MEGF8: variants seen among roughly 807,000 people sequenced by gnomAD.
MEGF8 encodes the protein multiple EGF like domains 8, also known as multiple epidermal growth factor-like domains protein 8.
A neutral mutation model predicts 302.9 loss-of-function variants in MEGF8; 156 were observed. The ratio of observed to expected loss-of-function variants is 0.52; its 90% CI spans 0.45 to 0.59. The LOEUF (loss-of-function observed/expected upper bound fraction) is 0.59, where lower values mean the gene tolerates loss of function less well. Among genes scored for constraint, MEGF8 ranks in the 20% least tolerant of loss-of-function variants. MEGF8 has a pLI of 0.00. For missense variants in MEGF8, 3,345 were observed against 3,964.5 expected, an observed-to-expected ratio of 0.84 and a Z score of 4.20; for synonymous variants, 1,621 against 1,660.5, an observed-to-expected ratio of 0.98 and a Z score of 0.58.
Position 42,335,286 on chromosome 19 carries a change from C to T in MEGF8, c.740-11C>T, listed in dbSNP as rs1288422965. ...TATGGCCAGGGCATGAGACTATCCA[C>T]CCCTCCACAGGCCAGGACCTCAACA... On this transcript the variant is annotated splice_polypyrimidine_tract_variant and intron_variant, in intron 4 of 41. Coordinates refer to ENST00000251268, the MANE Select transcript of MEGF8 (RefSeq NM_001271938.2). 6.2e-7 allele frequency: 1 copy of T among 1,614,036 alleles called. No homozygotes were observed. Among genetic ancestry groups the T allele is most frequent in the Admixed American group, 1.7e-5 (1 of 60,030 alleles).
intron 12 of MEGF8, among the ~76,000 whole-genome samples, chr19:42,346,265 T>A (rs1269117839): frequency 1.3e-5 from 2 of 152,142 alleles, no homozygotes; most frequent in African/African-American, 4.8e-5. Context: ...ACATCAAAAG[T>A]CATTGGGGCT....
Position 42,375,871 on chromosome 19 carries a change from G to T in MEGF8, c.7634G>T (p.Gly2545Val). The T allele has an allele frequency of 6.2e-7, 1 of 1,606,882 alleles. No individual in the cohort carries two copies. The highest frequency in any genetic ancestry group is 8.5e-7 in the Non-Finnish European group (1 of 1,176,768). ...PPPPADGGPR[G>V]AGDPGGAGAS... ...CCCCCTGCAGATGGTGGGCCCCGGG[G>T]GGCTGGGGATCCAGGAGGAGCAGGG... Residue 2545 changes from glycine to valine, a missense_variant, in exon 42 of 42, where the codon GGG (glycine) becomes GTG (valine). Physicochemically the swap from Gly to Val is moderately radical, Grantham distance 109. Coordinates refer to ENST00000251268, the MANE Select transcript of MEGF8 (RefSeq NM_001271938.2). The surrounding 1 kb of genome is among the most constrained non-coding windows in gnomAD (Gnocchi z 7.1).
At position 42,356,531 on chromosome 19, in the gene MEGF8, G is replaced by A; in HGVS notation, c.4622+78G>A. On this transcript the variant is annotated intron_variant, in intron 26 of 41. Transcript: ENST00000251268. This position sits in a 1 kb window ranked among gnomAD's most constrained non-coding sequence, Gnocchi z 5.2. ...GGATGCTAAGAGTCACCTCAGAGGAGTGCAGAAAAGCCTCTAAGGTAAAGG... is the reference window on the plus strand; with the variant it reads ...GGATGCTAAGAGTCACCTCAGAGGAATGCAGAAAAGCCTCTAAGGTAAAGG... 1 of 1,196,036 alleles carries A rather than the reference G, an allele frequency of 8.4e-7. No individual in the cohort carries two copies. Among genetic ancestry groups the A allele is most frequent in the Non-Finnish European group, 1.2e-6 (1 of 869,498 alleles). The allele number at this position is 1,196,036 out of a possible 1,614,324, so 74.1% of individuals were successfully genotyped here.
At chr19:42,367,247 C>T (rs1011682869) in intron 35 of MEGF8, among the ~76,000 whole-genome samples, 1 of 151,890 alleles carries the variant, frequency 6.6e-6, no homozygotes, top group African/African-American at 2.4e-5. Flanking sequence ...GCCTTTTTGC[C>T]TCAGCAGCCA....
At chr19:42,349,375 A>G (rs2039336108) in intron 13 of MEGF8, 124 bp from the exon 14 acceptor site, 1 of 765,992 alleles carries the variant, frequency 1.3e-6, no homozygotes, top group Non-Finnish European at 2.0e-6. Context: ...TCAGGATCTA[A>G]GGAGCTCTGA....
chr19:42,358,957 G>A lies in MEGF8; in HGVS notation c.5343+3G>A. ...AAATCTCACCTCACCTGAAGGAGGT[G>A]AGATTTGAAGAGGGTTAGGATTGGG... On this transcript the variant is annotated splice_donor_region_variant and intron_variant, in intron 30 of 41. Transcript: ENST00000251268. This position sits in a 1 kb window ranked among gnomAD's most constrained non-coding sequence, Gnocchi z 4.4. The A allele has an allele frequency of 6.2e-7, 1 of 1,607,802 alleles. No homozygotes were observed. Among genetic ancestry groups the A allele is most frequent in the Non-Finnish European group, 8.5e-7 (1 of 1,177,362 alleles).
In MEGF8 at chr19:42,350,300, C is replaced by G. The variant is rs200383522; in HGVS notation, c.2652C>G (p.Asp884Glu). Residue 884 changes from aspartate (D) to glutamate (E), a missense_variant, in exon 15 of 42, where the codon GAC (aspartate) becomes GAG (glutamate). Asp to Glu is a conservative substitution (Grantham distance 45, BLOSUM62 2). Transcript: ENST00000251268. ...LRQGGAHCGD[D>E]GAGGSLLVLV... ...AGGGCGGAGCCCATTGCGGGGATGA[C>G]GGGGCTGGTGGGTCCCTGCTGGTGC... The G allele has an allele frequency of 6.2e-7, 1 of 1,609,072 alleles. No homozygotes were observed. Among genetic ancestry groups the G allele is most frequent in the Non-Finnish European group, 8.5e-7 (1 of 1,179,690 alleles).
Position 42,371,452 on chromosome 19 carries a change from C to A in MEGF8, c.7239C>A (p.Pro2413=), listed in dbSNP as rs2039689696. ...TETGTCQGSS[P]SDRRDCYKYQ... Reference sequence around the variant, plus strand: ...CGGGCACATGCCAGGGCAGCTCCCCCAGTGACCGTCGAGACTGCTACAAGT... The same window carrying A: ...CGGGCACATGCCAGGGCAGCTCCCCAAGTGACCGTCGAGACTGCTACAAGT... Residue 2413 remains proline, a synonymous_variant, in exon 41 of 42, where the codon CCC becomes CCA. Transcript: ENST00000251268. The A allele has an allele frequency of 3.1e-6, 5 of 1,613,924 alleles. No individual in the cohort carries two copies. The highest frequency in any genetic ancestry group is 4.2e-6 in the Non-Finnish European group (5 of 1,179,892).
Position 42,353,511 on chromosome 19 carries a change from C to T in MEGF8, c.3597C>T (p.Phe1199=), listed in dbSNP as rs769691799. Residue 1199 remains phenylalanine, a synonymous_variant, in exon 21 of 42, where the codon TTC becomes TTT. Transcript: ENST00000251268. This position sits in a 1 kb window ranked among gnomAD's most constrained non-coding sequence, Gnocchi z 6.1. The part of the protein sequence containing the change: ...EHCERCRPGS[F]GNATGSRGCR... ...GCGAACGATGCCGGCCCGGCAGCTTCGGCAACGCCACAGGCTCTAGGGGCT... is the reference window on the plus strand; with the variant it reads ...GCGAACGATGCCGGCCCGGCAGCTTTGGCAACGCCACAGGCTCTAGGGGCT... 12 of 1,610,312 alleles carry T rather than the reference C, an allele frequency of 7.5e-6. No homozygotes were observed. The highest frequency in any genetic ancestry group is 6.7e-5 in the East Asian group (3 of 44,818).
intron 41 of MEGF8, among the ~76,000 whole-genome samples, chr19:42,371,716 C>G (rs188182004): frequency 6.6e-6 from 1 of 152,108 alleles, no homozygotes; most frequent in Non-Finnish European, 1.5e-5. Flanking sequence ...GGTGGGGAGA[C>G]AGTCTCCATT....
chr19:42,326,580 C>T, intron 1 of MEGF8, 150 bp downstream of exon 1: 1 of 1,318,384 alleles, frequency 7.6e-7, no homozygotes, highest in Non-Finnish European at 9.9e-7. Context: ...AACCTGGGCC[C>T]TGCCCTGGAA....
At position 42,353,168 on chromosome 19, in the gene MEGF8, GCCTC is replaced by G; in HGVS notation, c.3550+43_3550+46del. The G allele has an allele frequency of 6.7e-7, 1 of 1,491,348 alleles. No homozygotes were observed. 92.4% of individuals were successfully genotyped at this position (1,491,348 alleles called of 1,614,324 possible). ...CCTGGGCCCAGCCTGGACCCAGGGA[GCCTC>G]CTCCCTTCTTGGGGCTCCAGTTTGC... On this transcript the variant is annotated intron_variant, in intron 20 of 41. Coordinates refer to ENST00000251268, the MANE Select transcript of MEGF8 (RefSeq NM_001271938.2). This position sits in a 1 kb window ranked among gnomAD's most constrained non-coding sequence, Gnocchi z 6.1.
chr19:42,351,786 A>T lies in MEGF8; in HGVS notation c.3101+25A>T. ...GGTGAGCCCGGGCAGGTGGGTGGGC[A>T]GGGTGCCCGGCTGTGTCCTTCCTCC... is the stretch of plus-strand genomic sequence containing the variant. On this transcript the variant is annotated intron_variant, in intron 18 of 41. Transcript: ENST00000251268. The surrounding 1 kb of genome is among the most constrained non-coding windows in gnomAD (Gnocchi z 5.6). 7.8e-6 allele frequency: 12 copies of T among 1,543,986 alleles called. No homozygotes were observed. The highest frequency in any genetic ancestry group is 1.1e-5 in the Non-Finnish European group (12 of 1,139,500).
At position 42,348,410 on chromosome 19, in the gene MEGF8, A is replaced by T. The variant is rs780516160; in HGVS notation, c.2236A>T (p.Thr746Ser). The T allele has an allele frequency of 4.6e-6, 7 of 1,536,560 alleles. No homozygotes were observed. Among genetic ancestry groups the T allele is most frequent in the Non-Finnish European group, 5.2e-6 (6 of 1,146,396 alleles). ...AGGGGCTGAGGACGTGGCCGTGTGGACGCGGGCCCAGCGCCTACACGTCCT... is the reference window on the plus strand; with the variant it reads ...AGGGGCTGAGGACGTGGCCGTGTGGTCGCGGGCCCAGCGCCTACACGTCCT... ...GPGAEDVAVW[T>S]RAQRLHVLAR... Residue 746 changes from threonine to serine, a missense_variant, in exon 13 of 42, where the codon ACG becomes TCG. Physicochemically the swap from Thr to Ser is moderately conservative, Grantham distance 58. Coordinates refer to ENST00000251268, the MANE Select transcript of MEGF8 (RefSeq NM_001271938.2).
intron 41 of MEGF8, among the ~76,000 whole-genome samples, chr19:42,372,073 A>AACAACAAC (rs770531107): frequency 1.4e-5 from 1 of 72,188 alleles, no homozygotes; most frequent in African/African-American, 4.4e-5. Flanking sequence ...CAACAACAAC[A>AACAACAAC]AACACACACA....
chr19:42,333,456 G>T (rs1265832186), intron 1 of MEGF8, 149 bp from the exon 2 acceptor site: 2 of 790,422 alleles, frequency 2.5e-6, no homozygotes, highest in Admixed American at 3.0e-5. Context: ...GAGACTGGGG[G>T]CCCCTTCAAG....
chr19:42,349,812 C>T (rs1332500951), intron 14 of MEGF8, 113 bp downstream of exon 14: 33 of 1,125,394 alleles, frequency 2.9e-5, no homozygotes, highest in Admixed American at 4.2e-5. Flanking sequence ...TGGCCTCGGA[C>T]TCCTTAACTC....
In MEGF8 at chr19:42,354,562, T is replaced by A. The variant is rs1333318924; in HGVS notation, c.4012-26T>A. 7 of 1,598,266 alleles carry A rather than the reference T, an allele frequency of 4.4e-6. No homozygotes were observed. The highest frequency in any genetic ancestry group is 4.3e-6 in the Non-Finnish European group (5 of 1,169,194). Reference sequence around the variant, plus strand: ...TGTCGTTCTCATCCTCATTGTCTCCTAATCCTCGATTCTGCACCCCTCTAG... The same window carrying A: ...TGTCGTTCTCATCCTCATTGTCTCCAAATCCTCGATTCTGCACCCCTCTAG... On this transcript the variant is annotated intron_variant, in intron 22 of 41. Transcript: ENST00000251268. This position sits in a 1 kb window ranked among gnomAD's most constrained non-coding sequence, Gnocchi z 4.3.
Position 42,375,766 on chromosome 19 carries a change from C to T in MEGF8, c.7529C>T (p.Thr2510Ile). The T allele has an allele frequency of 6.2e-7, 1 of 1,613,042 alleles. No individual in the cohort carries two copies. Among genetic ancestry groups the T allele is most frequent in the Non-Finnish European group, 8.5e-7 (1 of 1,179,812 alleles). Residue 2510 changes from threonine to isoleucine, a missense_variant, in exon 42 of 42, where the codon ACC becomes ATC. Transcript: ENST00000251268. The surrounding 1 kb of genome is among the most constrained non-coding windows in gnomAD (Gnocchi z 7.1). Reference protein sequence around the residue: ...VDLYVSTSYDTFVVRVAPDTG... With the variant: ...VDLYVSTSYDIFVVRVAPDTG... ...CTCTATGTCTCCACCTCCTATGACA[C>T]CTTCGTGGTCCGTGTGGCCCCTGAC...
Sources: allele counts gnomAD v4.1 joint callset (sites outside exome capture counted in the v4.1 genomes callset), GRCh38; gene constraint gnomAD v4.1.1; non-coding constraint Gnocchi (gnomAD v3.1); transcripts MANE v1.5; gene names NCBI Gene and HGNC (gene_info 2026-07-23, HGNC 2026-07-21).